KMT2C: variants seen among roughly 807,000 people sequenced by gnomAD.
The protein encoded by KMT2C is lysine methyltransferase 2C, also known as histone-lysine N-methyltransferase 2C.
In KMT2C, 88 loss-of-function variants were observed where a neutral mutation model predicts 507.9. The observed-to-expected ratio is 0.17, with a 90% CI of 0.15 to 0.21. The LOEUF (loss-of-function observed/expected upper bound fraction) is 0.21, where lower values mean the gene tolerates loss of function less well. Ranked by LOEUF, KMT2C falls within the 10% of genes least tolerant of loss-of-function variation. The pLI is 1.00. For missense variants in KMT2C, 4,954 were observed against 5,957.8 expected (o/e 0.83, Z 5.55); for synonymous variants, 2,049 against 2,080.8 (o/e 0.98, Z 0.42).
intron 9 of KMT2C, among the ~76,000 whole-genome samples, chr7:152,262,778 A>G (rs2095801361): frequency 6.6e-6 from 1 of 152,152 alleles, no homozygotes; most frequent in South Asian, 2.1e-4. Context: ...AGGAAGACAG[A>G]GTTTGGGTTT....
intron 34 of KMT2C, among the ~76,000 whole-genome samples, chr7:152,184,579 A>G (rs1189566734): frequency 6.6e-6 from 1 of 152,214 alleles, no homozygotes; most frequent in African/African-American, 2.4e-5. Context: ...AAACCTAACA[A>G]GAAAAGAGGT....
rs1156941459 is a variant in KMT2C at position 152,138,647 on chromosome 7, C to A, written c.14643+149G>T. ...ACTGGAGTGCCTGAAGGGTGAGATA[C>A]TGCAGGGTGGGAACATCTGGCCTAT... On this transcript the variant is annotated intron_variant, in intron 58 of 58. Coordinates refer to ENST00000262189, the MANE Select transcript of KMT2C (RefSeq NM_170606.3). The surrounding 1 kb of genome is among the most constrained non-coding windows in gnomAD (Gnocchi z 4.2). The A allele has an allele frequency of 8.8e-6, 5 of 571,368 alleles. No individual in the cohort carries two copies. The highest frequency in any genetic ancestry group is 1.6e-5 in the Non-Finnish European group (5 of 321,734). 35.4% of individuals were successfully genotyped at this position (571,368 alleles called of 1,614,324 possible). A position where few individuals can be genotyped will look rare whatever the true frequency, so the allele number is the denominator to read the frequency against.
intron 1 of KMT2C, among the ~76,000 whole-genome samples, chr7:152,369,220 G>A (rs1340265661): frequency 6.6e-6 from 1 of 152,030 alleles, no homozygotes; most frequent in Non-Finnish European, 1.5e-5. Context: ...TTACTTGGGA[G>A]GCTGAGGCAG....
At chr7:152,141,754 C>CA (rs1490726309) in intron 55 of KMT2C, among the ~76,000 whole-genome samples, 3 of 150,482 alleles carry the variant, frequency 2.0e-5, no homozygotes. Flanking sequence ...CACGGGGGCT[C>CA]ATGCCTGTAA....
intron 1 of KMT2C, among the ~76,000 whole-genome samples, chr7:152,419,598 C>T (rs1337554686): frequency 2.0e-5 from 3 of 152,064 alleles, no homozygotes; most frequent in Admixed American, 2.0e-4. Context: ...AATGTCATAC[C>T]TCTGTTTAAC....
intron 26 of KMT2C, among the ~76,000 whole-genome samples, chr7:152,201,860 C>T (rs1298817039): frequency 6.6e-6 from 1 of 151,902 alleles, no homozygotes; most frequent in Admixed American, 6.6e-5. Context: ...ATGAGGAAAC[C>T]GAGACACAAG....
chr7:152,372,558 T>C (rs1460007202), intron 1 of KMT2C, among the ~76,000 whole-genome samples: 2 of 152,090 alleles, frequency 1.3e-5, no homozygotes, highest in African/African-American at 2.4e-5. Flanking sequence ...AAAAAGATAT[T>C]CCACACACAT....
At chr7:152,328,541 G>C (rs2096851752) in intron 3 of KMT2C, among the ~76,000 whole-genome samples, 1 of 152,142 alleles carries the variant, frequency 6.6e-6, no homozygotes. Flanking sequence ...TGTAGACATG[G>C]TAAGTACTTG....
chr7:152,385,287 A>G (rs1018253866), intron 1 of KMT2C, among the ~76,000 whole-genome samples: 2 of 151,256 alleles, frequency 1.3e-5, no homozygotes, highest in Non-Finnish European at 3.0e-5. Context: ...CTTAATCGCA[A>G]TAAGTAAGCC....
At chr7:152,305,920 T>C (rs911268541) in intron 6 of KMT2C, among the ~76,000 whole-genome samples, 1 of 152,168 alleles carries the variant, frequency 6.6e-6, no homozygotes, top group African/African-American at 2.4e-5. Context: ...ATCTAAGCAC[T>C]AGGTATTCTC....
intron 38 of KMT2C, among the ~76,000 whole-genome samples, chr7:152,174,999 CAT>C (rs1293739125): frequency 2.0e-5 from 3 of 152,246 alleles, no homozygotes; most frequent in South Asian, 2.1e-4. Flanking sequence ...TGACTGAAAA[CAT>C]ATGGCAACAA....
At position 152,151,319 on chromosome 7, in the gene KMT2C, AC is replaced by A; in HGVS notation, c.12666+122del. On this transcript the variant is annotated intron_variant, in intron 50 of 58. Transcript: ENST00000262189. ...ACATCTGATATACGCTGGTGCCATCACCAGGAACATGTGTCCATCACACCAC... is the reference window on the plus strand; with the variant it reads ...ACATCTGATATACGCTGGTGCCATCACAGGAACATGTGTCCATCACACCAC... 10 of 1,001,694 alleles carry A rather than the reference AC, an allele frequency of 1.0e-5. 1 individual carries two copies. In the South Asian group the frequency reaches 1.5e-4, roughly 15 times the overall value. The allele number at this position is 1,001,694 out of a possible 1,614,324, so 62.1% of individuals were successfully genotyped here. A position where few individuals can be genotyped will look rare whatever the true frequency, so the allele number is the denominator to read the frequency against.
At chr7:152,195,340 C>T (rs1304373870) in intron 28 of KMT2C, among the ~76,000 whole-genome samples, 2 of 151,908 alleles carry the variant, frequency 1.3e-5, no homozygotes, top group South Asian at 2.1e-4. Context: ...GAAAGTCACC[C>T]GAAGTACAGT....
rs2091314936 is a variant in KMT2C at position 152,148,043 on chromosome 7, G to C, written c.13884C>G (p.Ile4628Met). The change falls in exon 52 of 59, where the codon ATC becomes ATG. Residue 4628 changes from isoleucine (I) to methionine (M), a missense_variant. By Grantham distance (10) the Ile-to-Met change is conservative. Around this residue, in one of 29 missense-constraint regions of KMT2C, gnomAD observed 221 missense variants for 304.7 expected, o/e 0.73. Coordinates refer to ENST00000262189, the MANE Select transcript of KMT2C (RefSeq NM_170606.3). This position sits in a 1 kb window ranked among gnomAD's most constrained non-coding sequence, Gnocchi z 7.1. ...QGHEDLVLSD[I>M]SPKGVWDKIL... ...AACGGCAGACGTTACCTTTAGGTGA[G>C]ATGTCACTTAGAACCAGGTCTTCAT... is the stretch of plus-strand genomic sequence containing the variant. 2 of 1,582,304 alleles carry C rather than the reference G, an allele frequency of 1.3e-6. No homozygotes were observed. Among genetic ancestry groups the C allele is most frequent in the African/African-American group, 1.3e-5 (1 of 74,266 alleles).
chr7:152,236,179 C>T (rs577783357), intron 15 of KMT2C, among the ~76,000 whole-genome samples: 1 of 152,278 alleles, frequency 6.6e-6, no homozygotes, highest in Non-Finnish European at 1.5e-5. Flanking sequence ...TATCAGCAAG[C>T]CTTTGCATGA....
chr7:152,201,324 AC>A (rs2094134390), intron 26 of KMT2C, among the ~76,000 whole-genome samples: 1 of 151,366 alleles, frequency 6.6e-6, no homozygotes, highest in Non-Finnish European at 1.5e-5. Context: ...ACACACACAC[AC>A]ACACACGCTG....
chr7:152,187,171 T>G (rs1461922085), intron 33 of KMT2C, 91 bp downstream of exon 33: 1 of 991,226 alleles, frequency 1.0e-6, no homozygotes, highest in Non-Finnish European at 1.6e-6. Flanking sequence ...CAAAAATTAG[T>G]TAAGCTACCT....
intron 1 of KMT2C, among the ~76,000 whole-genome samples, chr7:152,425,656 T>G (rs985864287): frequency 6.6e-6 from 1 of 152,186 alleles, no homozygotes; most frequent in East Asian, 1.9e-4. Flanking sequence ...TTTAAGAATA[T>G]GGTTATGTTT....
intron 1 of KMT2C, among the ~76,000 whole-genome samples, chr7:152,375,392 C>A (rs988507032): frequency 1.4e-5 from 2 of 145,880 alleles, no homozygotes; most frequent in Non-Finnish European, 1.5e-5. Flanking sequence ...CTGAACAAGT[C>A]TTTTTTTTTT....
Sources: allele counts gnomAD v4.1 joint callset (sites outside exome capture counted in the v4.1 genomes callset), GRCh38; gene constraint gnomAD v4.1.1; regional missense constraint gnomAD v4.1.1; non-coding constraint Gnocchi (gnomAD v3.1); transcripts MANE v1.5; gene names NCBI Gene and HGNC (gene_info 2026-07-23, HGNC 2026-07-21).